LIMS1: variants seen among roughly 807,000 people sequenced by gnomAD.
The protein encoded by LIMS1 is LIM zinc finger domain containing 1, also known as LIM and senescent cell antigen-like-containing domain protein 1.
A neutral mutation model predicts 44.1 loss-of-function variants in LIMS1; 18 were observed. The ratio of observed to expected loss-of-function variants is 0.41; its 90% confidence interval spans 0.28 to 0.61. The LOEUF (loss-of-function observed/expected upper bound fraction) is 0.61. Among genes scored for constraint, LIMS1 ranks in the 20% least tolerant of loss-of-function variants. LIMS1 has a pLI of 0.32. For synonymous variants in LIMS1, 93 were observed against 149.1 expected, an observed-to-expected ratio of 0.62 and a Z score of 2.74; for missense variants, 201 against 422.0, an observed-to-expected ratio of 0.48 and a Z score of 4.59.
chr2:108,674,915 A>G (rs981135123), intron 5 of LIMS1, among the ~76,000 whole-genome samples: 1 of 151,230 alleles, frequency 6.6e-6, no homozygotes, highest in Admixed American at 6.6e-5. Flanking sequence ...TGAAATTCAA[A>G]CAAGTCCGTT....
intron 1 of LIMS1, among the ~76,000 whole-genome samples, chr2:108,605,346 G>A (rs1687217780): frequency 6.6e-6 from 1 of 152,158 alleles, no homozygotes. Context: ...ATCCTGCAGA[G>A]TCTGTGAGCA....
chr2:108,608,375 G>A (rs1416416966), intron 1 of LIMS1, among the ~76,000 whole-genome samples: 2 of 149,832 alleles, frequency 1.3e-5, no homozygotes, highest in South Asian at 2.1e-4. Flanking sequence ...GCGTGATCTC[G>A]GCTCACTGAA....
chr2:108,581,704 G>A (rs773406853), intron 1 of LIMS1, among the ~76,000 whole-genome samples: 3 of 152,066 alleles, frequency 2.0e-5, no homozygotes, highest in Non-Finnish European at 2.9e-5. Flanking sequence ...TTGGGAGGCC[G>A]AGGCAGGCAG....
At chr2:108,600,580 T>C (rs1302566133) in intron 1 of LIMS1, among the ~76,000 whole-genome samples, 1 of 152,228 alleles carries the variant, frequency 6.6e-6, no homozygotes, top group African/African-American at 2.4e-5. Flanking sequence ...TTCATTCTTC[T>C]GCATTATGGA....
At chr2:108,649,829 A>T (rs1398871361) in intron 1 of LIMS1, among the ~76,000 whole-genome samples, 1 of 152,052 alleles carries the variant, frequency 6.6e-6, no homozygotes, top group Non-Finnish European at 1.5e-5. Flanking sequence ...TGGGTGGGGG[A>T]TAGGGGAGGG....
In LIMS1 at chr2:108,636,123, C is replaced by T. The variant is rs115017672; in HGVS notation, c.33-23482C>T. Among the ~76,000 whole-genome samples the T allele has an allele frequency of 9.0e-3, 1,364 of 152,322 alleles. 28 individuals carry two copies. The highest frequency in any genetic ancestry group is 0.032 in the African/African-American group (1,311 of 41,572). ...GAATAGCCGCTGTAAGGAGCAGCCA[C>T]GGACCCTAGAGCTGAGTTAGAGTGC... On this transcript the variant is annotated intron_variant, in intron 1 of 9. Coordinates refer to ENST00000544547, the Ensembl canonical transcript of LIMS1.
At chr2:108,555,920 A>T (rs1170487595) in intron 1 of LIMS1, among the ~76,000 whole-genome samples, 4 of 152,030 alleles carry the variant, frequency 2.6e-5, no homozygotes, top group Non-Finnish European at 5.9e-5. Flanking sequence ...GTGGAGGTAG[A>T]TTGGAAATGC....
At chr2:108,541,477 G>GC (rs1275813511) in intron 1 of LIMS1, among the ~76,000 whole-genome samples, 1 of 152,204 alleles carries the variant, frequency 6.6e-6, no homozygotes, top group African/African-American at 2.4e-5. Context: ...AGGTGCACCT[G>GC]ACTGATCTGT....
At position 108,659,691 on chromosome 2, in the gene LIMS1, G is replaced by T. The variant is rs151048968; in HGVS notation, c.119G>T (p.Gly40Val). The change falls in exon 2 of 10, where the codon GGG (glycine) becomes GTG (valine). Residue 40 changes from glycine (G) to valine (V), a missense_variant. By Grantham distance (109) the Gly-to-Val change is moderately radical. Coordinates refer to ENST00000544547, the Ensembl canonical transcript of LIMS1. ...GCTGAGAAGATCGTGAACAGTAATGGGGAGCTGTACCATGAGCAGTGTTTC... is the reference window on the plus strand; with the variant it reads ...GCTGAGAAGATCGTGAACAGTAATGTGGAGCTGTACCATGAGCAGTGTTTC... 108 of 1,612,360 alleles carry T rather than the reference G, an allele frequency of 6.7e-5. No homozygotes were observed. Among genetic ancestry groups the T allele is most frequent in the Non-Finnish European group, 6.8e-5 (80 of 1,179,868 alleles).
At chr2:108,683,740 G>C (rs1246868404) in intron 9 of LIMS1, 145 bp from the exon 10 acceptor site, 1 of 431,948 alleles carries the variant, frequency 2.3e-6, no homozygotes, top group Non-Finnish European at 4.2e-6. Flanking sequence ...TTGAGGTTAG[G>C]ATTATGGTTT....
At chr2:108,577,170 T>C (rs918196109) in intron 1 of LIMS1, among the ~76,000 whole-genome samples, 20 of 152,392 alleles carry the variant, frequency 1.3e-4, no homozygotes, top group Admixed American at 1.3e-4. Context: ...GTCTTATTGC[T>C]GTTGCCTGAG....
intron 1 of LIMS1, among the ~76,000 whole-genome samples, chr2:108,620,226 G>A (rs1448722372): frequency 6.6e-6 from 1 of 152,104 alleles, no homozygotes; most frequent in Admixed American, 6.5e-5. Flanking sequence ...TCTCAGAGAT[G>A]GGAATAACTC....
intron 1 of LIMS1, among the ~76,000 whole-genome samples, chr2:108,651,433 A>G (rs1446856749): frequency 6.6e-6 from 1 of 152,294 alleles, no homozygotes; most frequent in Non-Finnish European, 1.5e-5. Context: ...ATTGAAAGAA[A>G]GGCCAAGAGG....
At chr2:108,639,750 CGTGTACATGTA>C (rs1167121624) in intron 1 of LIMS1, among the ~76,000 whole-genome samples, 1 of 152,090 alleles carries the variant, frequency 6.6e-6, no homozygotes, top group East Asian at 1.9e-4. Flanking sequence ...CGTGCCCAGC[CGTGTACATGTA>C]TTTTAAAAAG....
intron 2 of LIMS1, among the ~76,000 whole-genome samples, chr2:108,669,722 T>TAA (rs60098338): frequency 2.0e-5 from 3 of 147,092 alleles, no homozygotes. Context: ...ATTTCTCTAT[T>TAA]AAAAAAAAAA....
At chr2:108,644,488 G>A (rs189221828) in intron 1 of LIMS1, among the ~76,000 whole-genome samples, 24 of 152,232 alleles carry the variant, frequency 1.6e-4, no homozygotes, top group African/African-American at 5.3e-4. Flanking sequence ...GACCCCATCC[G>A]AAGGTCACCA....
chr2:108,543,648 A>G (rs553320069), intron 1 of LIMS1, among the ~76,000 whole-genome samples: 1 of 152,348 alleles, frequency 6.6e-6, no homozygotes, highest in Non-Finnish European at 1.5e-5. Flanking sequence ...CTGAGGATCC[A>G]GAAGAAGGTC....
At chr2:108,561,177 G>A (rs1394835630) in intron 1 of LIMS1, among the ~76,000 whole-genome samples, 1 of 152,202 alleles carries the variant, frequency 6.6e-6, no homozygotes, top group Non-Finnish European at 1.5e-5. Context: ...TATTTTGTTT[G>A]AGAAATCTCC....
At chr2:108,582,107 A>G (rs1685910087) in intron 1 of LIMS1, among the ~76,000 whole-genome samples, 1 of 152,236 alleles carries the variant, frequency 6.6e-6, no homozygotes, top group Admixed American at 6.5e-5. Context: ...ATGTTGTGTG[A>G]TATTGATGAG....
Sources: allele counts gnomAD v4.1 joint callset (sites outside exome capture counted in the v4.1 genomes callset), GRCh38; gene constraint gnomAD v4.1.1; transcripts MANE v1.5; gene names NCBI Gene and HGNC (gene_info 2026-07-23, HGNC 2026-07-21).